SOCS5: variants seen among roughly 807,000 people sequenced by gnomAD.
The protein encoded by SOCS5 is CIS-6.
Under a neutral mutation model 42.8 loss-of-function variants are expected in SOCS5, and 32 were observed. The ratio of observed to expected loss-of-function variants is 0.75; its 90% CI spans 0.56 to 1.01. SOCS5 has a LOEUF of 1.01. SOCS5 is among the 50% of genes least tolerant of loss of function. SOCS5 has a pLI of 0.00. For missense variants in SOCS5, 627 were observed against 653.0 expected (o/e 0.96, Z 0.43); for synonymous variants, 283 against 229.6 (o/e 1.23, Z -2.10).
intron 1 of SOCS5, among the ~76,000 whole-genome samples, chr2:46,716,203 G>T (rs1672739224): frequency 6.9e-6 from 1 of 145,364 alleles, no homozygotes; most frequent in South Asian, 2.3e-4. Context: ...TTGTGTTGAT[G>T]TTTTTCTTTA....
At position 46,735,894 on chromosome 2, in the gene SOCS5, T is replaced by C. The variant is rs781536357; in HGVS notation, c.-12-22625T>C. Among the ~76,000 whole-genome samples, 279 of 152,204 alleles carry C rather than the reference T, an allele frequency of 1.8e-3. 1 individual carries two copies. The highest frequency in any genetic ancestry group is 3.0e-3 in the Non-Finnish European group (204 of 68,014). ...GCCTCAAAATTGACCACACAGAACA[T>C]AGAGTTATTTAAAAAGTAATATGAT... On this transcript the variant is annotated intron_variant, in intron 1 of 1. Coordinates refer to ENST00000394861, the MANE Select transcript of SOCS5 (RefSeq NM_144949.3).
At chr2:46,719,450 A>G (rs926197008) in intron 1 of SOCS5, among the ~76,000 whole-genome samples, 16 of 152,176 alleles carry the variant, frequency 1.1e-4, no homozygotes, top group African/African-American at 3.1e-4. Flanking sequence ...TAATATTACT[A>G]TCTTTCCTTT....
intron 1 of SOCS5, among the ~76,000 whole-genome samples, chr2:46,719,837 A>T (rs1315279341): frequency 2.0e-5 from 3 of 152,160 alleles, no homozygotes; most frequent in Non-Finnish European, 4.4e-5. Context: ...AATGACCTTA[A>T]CCTAAGTGGT....
intron 1 of SOCS5, among the ~76,000 whole-genome samples, chr2:46,753,847 G>A (rs781494761): frequency 2.6e-5 from 4 of 152,168 alleles, no homozygotes; most frequent in Non-Finnish European, 5.9e-5. Flanking sequence ...TTTATAAGCT[G>A]TCATGGTGCT....
At chr2:46,756,939 T>C (rs372025081) in intron 1 of SOCS5, among the ~76,000 whole-genome samples, 1 of 152,248 alleles carries the variant, frequency 6.6e-6, no homozygotes, top group African/African-American at 2.4e-5. Context: ...TGTTCTAAAA[T>C]AGACTTTACT....
At chr2:46,713,900 C>G (rs530723441) in intron 1 of SOCS5, among the ~76,000 whole-genome samples, 2 of 152,024 alleles carry the variant, frequency 1.3e-5, no homozygotes, top group East Asian at 3.9e-4. Flanking sequence ...ATTTATTTGA[C>G]CCATGGGTTG....
rs965460562 is a variant in SOCS5 at position 46,762,555 on chromosome 2, A to G, written c.*2414A>G. On this transcript the variant is annotated 3_prime_UTR_variant, in exon 2 of 2. Coordinates refer to ENST00000394861, the MANE Select transcript of SOCS5 (RefSeq NM_144949.3). ...GCATGTATACACTGTGCTAAAAGTC[A>G]CATGTTTCAGTTTGTGTATAATATT... 1.1e-4 allele frequency: 18 copies of G among 166,456 alleles called. No homozygotes were observed. Among genetic ancestry groups the G allele is most frequent in the Non-Finnish European group, 2.5e-4 (17 of 68,088 alleles). The allele number at this position is 166,456 out of a possible 1,614,324, so 10.3% of individuals were successfully genotyped here. A position where few individuals can be genotyped will look rare whatever the true frequency, so the allele number is the denominator to read the frequency against.
intron 1 of SOCS5, among the ~76,000 whole-genome samples, chr2:46,712,336 C>CTTTTTTTTTTTTT (rs70940636): frequency 1.5e-5 from 1 of 64,954 alleles, no homozygotes; most frequent in Non-Finnish European, 2.6e-5. Context: ...GGATGTTTAG[C>CTTTTTTTTTTTTT]TTTTTTTTTT....
intron 1 of SOCS5, among the ~76,000 whole-genome samples, chr2:46,738,023 T>C (rs1673291255): frequency 6.6e-6 from 1 of 152,196 alleles, no homozygotes; most frequent in African/African-American, 2.4e-5. Context: ...TGGTGTTAAC[T>C]ATAAACCCTT....
chr2:46,742,137 C>G (rs1259384253), intron 1 of SOCS5, among the ~76,000 whole-genome samples: 11 of 152,174 alleles, frequency 7.2e-5, no homozygotes, highest in Admixed American at 5.2e-4. Flanking sequence ...ATGTCTTTGA[C>G]AAATTCCAAG....
At chr2:46,755,712 A>G (rs1447580368) in intron 1 of SOCS5, among the ~76,000 whole-genome samples, 1 of 152,214 alleles carries the variant, frequency 6.6e-6, no homozygotes, top group Non-Finnish European at 1.5e-5. Context: ...ATATAAAACC[A>G]TAAAGTAGTA....
chr2:46,712,593 C>T (rs964991390), intron 1 of SOCS5, among the ~76,000 whole-genome samples: 16 of 152,208 alleles, frequency 1.1e-4, no homozygotes, highest in African/African-American at 2.9e-4. Context: ...CCGCCTGCCT[C>T]GGCCTCCCAA....
chr2:46,713,022 C>T (rs1006337724), intron 1 of SOCS5, among the ~76,000 whole-genome samples: 1 of 152,052 alleles, frequency 6.6e-6, no homozygotes, highest in Non-Finnish European at 1.5e-5. Context: ...CTGTAGTTTT[C>T]TTTGTGGAAA....
rs1044836767 is a variant in SOCS5, at chr2:46,762,479, A to T, written c.*2338A>T. On this transcript the variant is annotated 3_prime_UTR_variant, in exon 2 of 2. Coordinates refer to ENST00000394861, the MANE Select transcript of SOCS5 (RefSeq NM_144949.3). ...TATTAATGCTTTTATGTATTTCAAA[A>T]CTTTCATATGTTAAATGGAAATTGT... The T allele has an allele frequency of 1.2e-5, 2 of 166,196 alleles. No homozygotes were observed. Among genetic ancestry groups the T allele is most frequent in the East Asian group, 3.8e-4 (2 of 5,210 alleles). 10.3% of individuals were successfully genotyped at this position (166,196 alleles called of 1,614,324 possible). A position where few individuals can be genotyped will look rare whatever the true frequency, so the allele number is the denominator to read the frequency against.
chr2:46,741,298 G>A (rs893783181), intron 1 of SOCS5, among the ~76,000 whole-genome samples: 1 of 152,050 alleles, frequency 6.6e-6, no homozygotes, highest in African/African-American at 2.4e-5. Context: ...GGAGTGCAGT[G>A]GTGCGATCTC....
At chr2:46,705,933 G>T (rs990554332) in intron 1 of SOCS5, among the ~76,000 whole-genome samples, 1 of 152,128 alleles carries the variant, frequency 6.6e-6, no homozygotes, top group African/African-American at 2.4e-5. Flanking sequence ...TGCATTTAGG[G>T]GAAGATATTC....
intron 1 of SOCS5, among the ~76,000 whole-genome samples, chr2:46,704,501 G>A (rs1672417430): frequency 6.6e-6 from 1 of 152,164 alleles, no homozygotes; most frequent in Non-Finnish European, 1.5e-5. Flanking sequence ...AAAGTGTTGA[G>A]GTAAACTGAA....
At chr2:46,717,624 C>T (rs1171448874) in intron 1 of SOCS5, among the ~76,000 whole-genome samples, 2 of 152,094 alleles carry the variant, frequency 1.3e-5, no homozygotes, top group South Asian at 2.1e-4. Context: ...TAATTGCTCA[C>T]TTAATGCAGT....
At chr2:46,707,954 T>G (rs2103692375) in intron 1 of SOCS5, among the ~76,000 whole-genome samples, 1 of 152,346 alleles carries the variant, frequency 6.6e-6, no homozygotes, top group Non-Finnish European at 1.5e-5. Context: ...CGAAGTCTGT[T>G]TTATAATAAA....
Sources: gnomAD v4.1 joint callset for allele counts (sites outside exome capture counted in the v4.1 genomes callset) on GRCh38, gnomAD v4.1.1 for gene constraint, MANE v1.5 for transcripts, NCBI Gene and HGNC (gene_info 2026-07-23, HGNC 2026-07-21) for gene names.